The following UGT1A8 variants were observed in gnomAD, a reference collection of about 807,000 sequenced individuals.
UGT1A8 encodes UDP-glucuronosyltransferase 1A8.
Under a neutral mutation model 45.3 loss-of-function variants are expected in UGT1A8, and 39 were observed. That is an observed-to-expected ratio of 0.86 (90% CI 0.67 to 1.12). The LOEUF (loss-of-function observed/expected upper bound fraction) is 1.12. Ranked by LOEUF, UGT1A8 falls within the 50% of genes most tolerant of loss-of-function variation. The probability of loss-of-function intolerance (pLI) is 0.00; values close to 1 mark genes in which losing one functional copy is unlikely to be tolerated. For synonymous variants in UGT1A8, 275 were observed against 249.2 expected (o/e 1.10, Z -0.97); for missense variants, 719 against 664.9 (o/e 1.08, Z -0.90).
chr2:233,710,241 C>T (rs529654756), intron 1 of UGT1A8, among the ~76,000 whole-genome samples: 19 of 152,204 alleles, frequency 1.2e-4, no homozygotes, highest in East Asian at 9.6e-4. Context: ...TATTCGAGTA[C>T]GAGTGTTTCT....
intron 1 of UGT1A8, chr2:233,713,863 G>A: frequency 6.2e-7 from 1 of 1,613,884 alleles, no homozygotes; most frequent in Non-Finnish European, 8.5e-7. Context: ...TCTCAGGTCT[G>A]TATTGGTGCC....
At chr2:233,695,729 A>G (rs1390591347) in intron 1 of UGT1A8, among the ~76,000 whole-genome samples, 2 of 152,158 alleles carry the variant, frequency 1.3e-5, no homozygotes, top group Admixed American at 1.3e-4. Context: ...AGTTACATTT[A>G]TGTTGCTGCA....
At chr2:233,650,465 C>G (rs966587936) in intron 1 of UGT1A8, among the ~76,000 whole-genome samples, 3 of 152,210 alleles carry the variant, frequency 2.0e-5, no homozygotes, top group African/African-American at 7.2e-5. Flanking sequence ...TGTCAGTCTT[C>G]TTCAGTTAGA....
At chr2:233,754,276 G>A (rs906718442) in intron 1 of UGT1A8, 4 of 190,364 alleles carry the variant, frequency 2.1e-5, no homozygotes, top group Admixed American at 1.6e-4. Context: ...AAAGTGCTGA[G>A]ATGAACATTC....
chr2:233,725,079 C>A lies in UGT1A8; in HGVS notation c.856-41955C>A, dbSNP rs370992455. ...GCGCGCGCCTGCAATCGCAGGCACT[C>A]GGCAGGCTGAGGCAGGAGAATCAGG... On this transcript the variant is annotated intron_variant, in intron 1 of 4. Transcript: ENST00000373450. 3.5e-5 allele frequency among the ~76,000 whole-genome samples: 5 copies of A among 144,208 alleles called. 1 individual carries two copies. Among genetic ancestry groups the A allele is most frequent in the Admixed American group, 7.0e-5 (1 of 14,340 alleles). 94.6% of individuals were successfully genotyped at this position (144,208 alleles called of 152,430 possible).
At chr2:233,689,917 A>G (rs562345639) in intron 1 of UGT1A8, 1 of 456,690 alleles carries the variant, frequency 2.2e-6, no homozygotes, top group Admixed American at 2.3e-5. Context: ...AGGTGCCTGG[A>G]ATTTCCTTCG....
At position 233,732,107 on chromosome 2, in the gene UGT1A8, C is replaced by A. The variant is rs564332248; in HGVS notation, c.856-34927C>A. Among the ~76,000 whole-genome samples the A allele has an allele frequency of 2.0e-5, 3 of 151,486 alleles. No individual in the cohort carries two copies. In the East Asian group the frequency reaches 5.8e-4, roughly 29 times the overall value. On this transcript the variant is annotated intron_variant, in intron 1 of 4. Coordinates refer to ENST00000373450, the MANE Select transcript of UGT1A8 (RefSeq NM_019076.5). The stretch of plus-strand genomic sequence containing the variant: ...TCTTTTGAGAAGTGTCTGTTCATAT[C>A]CTTTGCCCACTTTTTGATGAGGTTG...
chr2:233,721,761 G>A, intron 1 of UGT1A8: 1 of 472,552 alleles, frequency 2.1e-6, no homozygotes. Flanking sequence ...CATCTAAATT[G>A]TTATATTTAG....
intron 1 of UGT1A8, chr2:233,754,408 C>G (rs1318751129): frequency 8.8e-6 from 3 of 340,794 alleles, no homozygotes; most frequent in African/African-American, 6.4e-5. Flanking sequence ...GCAGTCCCAA[C>G]AATAAAGACA....
At chr2:233,737,894 G>A (rs1690620451) in intron 1 of UGT1A8, among the ~76,000 whole-genome samples, 1 of 151,986 alleles carries the variant, frequency 6.6e-6, no homozygotes, top group Non-Finnish European at 1.5e-5. Context: ...GCTAATTTTC[G>A]AGTGTGGTAA....
intron 1 of UGT1A8, chr2:233,743,987 G>T: frequency 7.8e-7 from 1 of 1,278,832 alleles, no homozygotes; most frequent in South Asian, 1.3e-5. Flanking sequence ...CCAGGCGCAG[G>T]CCCGAGTGCT....
Position 233,719,094 on chromosome 2 carries a change from G to A in UGT1A8, c.856-47940G>A, listed in dbSNP as rs376370143. 116 of 1,614,204 alleles carry A rather than the reference G, an allele frequency of 7.2e-5. No individual in the cohort carries two copies. Among genetic ancestry groups the A allele is most frequent in the East Asian group, 4.2e-4 (19 of 44,884 alleles). ...ATGGACCCAGAAGGAATTTGATCGCGTTACGCTGGGCTACACTCAAGGGTT... is the reference window on the plus strand; with the variant it reads ...ATGGACCCAGAAGGAATTTGATCGCATTACGCTGGGCTACACTCAAGGGTT... On this transcript the variant is annotated intron_variant, in intron 1 of 4. Coordinates refer to ENST00000373450, the MANE Select transcript of UGT1A8 (RefSeq NM_019076.5).
chr2:233,714,390 A>T (rs994854711), intron 1 of UGT1A8, among the ~76,000 whole-genome samples: 2 of 152,218 alleles, frequency 1.3e-5, no homozygotes, highest in Non-Finnish European at 2.9e-5. Context: ...AATTGGGCCA[A>T]TGTAGGTGCA....
intron 1 of UGT1A8, chr2:233,729,582 C>A (rs143068136): frequency 2.2e-4 from 355 of 1,613,964 alleles, no homozygotes; most frequent in Middle Eastern, 3.3e-4. Context: ...TTTTAACAGA[C>A]CCCGTTAACC....
chr2:233,755,145 G>C, intron 1 of UGT1A8: 1 of 1,302,778 alleles, frequency 7.7e-7, no homozygotes, highest in Non-Finnish European at 1.0e-6. Context: ...TCTTCTCACC[G>C]CTTCCTCCCT....
chr2:233,719,574 G>A (rs2076782937), intron 1 of UGT1A8: 1 of 1,613,926 alleles, frequency 6.2e-7, no homozygotes, highest in Non-Finnish European at 8.5e-7. Context: ...TGTCAGCTAT[G>A]CATCCGTGTG....
At chr2:233,626,738 G>T (rs2073090384) in intron 1 of UGT1A8, among the ~76,000 whole-genome samples, 2 of 152,044 alleles carry the variant, frequency 1.3e-5, no homozygotes, top group Admixed American at 1.3e-4. Flanking sequence ...GAGTTCTAAA[G>T]TTCCTTATGA....
chr2:233,695,332 G>A (rs1375562980), intron 1 of UGT1A8, among the ~76,000 whole-genome samples: 1 of 151,752 alleles, frequency 6.6e-6, no homozygotes, highest in African/African-American at 2.4e-5. Flanking sequence ...CACCACGTTG[G>A]CCAGGATGGT....
At chr2:233,710,412 T>C (rs946012708) in intron 1 of UGT1A8, among the ~76,000 whole-genome samples, 1 of 152,232 alleles carries the variant, frequency 6.6e-6, no homozygotes, top group African/African-American at 2.4e-5. Context: ...TGCTCTGTAT[T>C]TGTGCTAAGA....
Sources: allele counts gnomAD v4.1 joint callset (sites outside exome capture counted in the v4.1 genomes callset), GRCh38; gene constraint gnomAD v4.1.1; transcripts MANE v1.5; gene names NCBI Gene and HGNC (gene_info 2026-07-23, HGNC 2026-07-21).